Variants in EFCAB6 observed in about 807,000 individuals in gnomAD.
EFCAB6 encodes the protein EF-hand calcium-binding domain-containing protein 6.
A neutral mutation model predicts 169.8 loss-of-function variants in EFCAB6; 156 were observed. That is an observed-to-expected ratio of 0.92 (90% CI 0.81 to 1.05). The LOEUF (loss-of-function observed/expected upper bound fraction) is 1.05. Among genes scored for constraint, EFCAB6 ranks in the 50% least tolerant of loss-of-function variants. The pLI is 0.00. For missense variants in EFCAB6, 1,800 were observed against 1,829.1 expected, an observed-to-expected ratio of 0.98 and a Z score of 0.29; for synonymous variants, 698 against 676.4, an observed-to-expected ratio of 1.03 and a Z score of -0.50.
intron 20 of EFCAB6, among the ~76,000 whole-genome samples, chr22:43,619,058 T>C (rs2187766): frequency 0.23 from 34,922 of 151,722 alleles, 5,242 homozygotes; most frequent in East Asian, 0.62. Flanking sequence ...GTGGGGGAGA[T>C]CATAGAGAAG....
intron 27 of EFCAB6, among the ~76,000 whole-genome samples, chr22:43,550,353 GTC>G (rs1413094771): frequency 6.6e-6 from 1 of 152,148 alleles, no homozygotes; most frequent in African/African-American, 2.4e-5. Flanking sequence ...TCCTAGGGGT[GTC>G]TGTTTTAGAA....
intron 17 of EFCAB6, among the ~76,000 whole-genome samples, chr22:43,664,875 C>T (rs914395316): frequency 3.3e-5 from 5 of 151,968 alleles, no homozygotes; most frequent in African/African-American, 4.8e-5. Context: ...GCTGGGTTGA[C>T]GATGAACTGT....
chr22:43,583,619 C>T (rs1057154612), intron 24 of EFCAB6, among the ~76,000 whole-genome samples: 2 of 151,608 alleles, frequency 1.3e-5, no homozygotes, highest in African/African-American at 4.9e-5. Context: ...AGCAGCGAGG[C>T]CTTTGGGAGG....
At chr22:43,588,721 C>T (rs777944161) in intron 24 of EFCAB6, among the ~76,000 whole-genome samples, 49 of 151,838 alleles carry the variant, frequency 3.2e-4, no homozygotes, top group Non-Finnish European at 6.8e-4. Flanking sequence ...ATGAAGCTGA[C>T]AGATTAGCTG....
At chr22:43,774,517 G>T (rs9614182) in intron 3 of EFCAB6, among the ~76,000 whole-genome samples, 60,714 of 151,060 alleles carry the variant, frequency 0.4, 13,520 homozygotes, top group African/African-American at 0.58. Context: ...CGCACGCAGG[G>T]CCTGTGCCGG....
intron 10 of EFCAB6, among the ~76,000 whole-genome samples, chr22:43,694,996 T>C (rs1188016859): frequency 6.6e-6 from 1 of 151,958 alleles, no homozygotes; most frequent in Non-Finnish European, 1.5e-5. Context: ...GATAGTAAAA[T>C]TGTCATAGCC....
intron 30 of EFCAB6, among the ~76,000 whole-genome samples, chr22:43,531,346 G>C (rs141850330): frequency 1.9e-3 from 284 of 152,250 alleles, no homozygotes; most frequent in African/African-American, 6.7e-3. Flanking sequence ...AATGCAACGA[G>C]ATGGCCGGGC....
intron 24 of EFCAB6, among the ~76,000 whole-genome samples, chr22:43,589,521 C>G (rs985653121): frequency 6.6e-6 from 1 of 152,148 alleles, no homozygotes; most frequent in Non-Finnish European, 1.5e-5. Flanking sequence ...GGCGCAGTGG[C>G]TCACGCCTAT....
intron 3 of EFCAB6, among the ~76,000 whole-genome samples, chr22:43,780,026 T>C (rs750558185): frequency 6.6e-6 from 1 of 152,194 alleles, no homozygotes; most frequent in Non-Finnish European, 1.5e-5. Flanking sequence ...GAAATGCATA[T>C]TAAATTCACA....
chr22:43,586,756 C>T (rs796080066), intron 24 of EFCAB6, among the ~76,000 whole-genome samples: 6 of 152,196 alleles, frequency 3.9e-5, no homozygotes, highest in African/African-American at 1.4e-4. Context: ...AAAAGTCCAG[C>T]AGCGTCAGCA....
intron 7 of EFCAB6, among the ~76,000 whole-genome samples, chr22:43,732,170 A>T (rs1873443748): frequency 6.6e-6 from 1 of 152,212 alleles, no homozygotes; most frequent in Non-Finnish European, 1.5e-5. Context: ...CCACTCCGAC[A>T]GCAGAAGCAG....
At chr22:43,713,498 C>T (rs976133531) in intron 9 of EFCAB6, among the ~76,000 whole-genome samples, 7 of 152,110 alleles carry the variant, frequency 4.6e-5, no homozygotes, top group South Asian at 2.1e-4. Flanking sequence ...GTTGGGGGCA[C>T]GTGGAACAGC....
At chr22:43,586,366 T>TTTTTTTTTTG in intron 24 of EFCAB6, among the ~76,000 whole-genome samples, 1 of 125,444 alleles carries the variant, frequency 8.0e-6, no homozygotes, top group African/African-American at 3.1e-5. Context: ...TTTTTTTTTT[T>TTTTTTTTTTG]GTGACGTGGT....
chr22:43,530,685 G>A, intron 31 of EFCAB6, 130 bp downstream of exon 31: 1 of 1,511,052 alleles, frequency 6.6e-7, no homozygotes, highest in Non-Finnish European at 8.8e-7. Context: ...TCCCAGGGAA[G>A]TGAGATCTGA....
chr22:43,799,231 G>A (rs949540657), intron 2 of EFCAB6, among the ~76,000 whole-genome samples: 2 of 151,976 alleles, frequency 1.3e-5, no homozygotes, highest in Admixed American at 1.3e-4. Context: ...TCAGGAGGCT[G>A]AGATGGGAGG....
intron 2 of EFCAB6, among the ~76,000 whole-genome samples, chr22:43,784,541 G>GTATATATA (rs1357869252): frequency 3.8e-5 from 3 of 79,722 alleles, no homozygotes; most frequent in East Asian, 6.2e-4. Flanking sequence ...GTGTGTGTGT[G>GTATATATA]TGTATATGTA....
chr22:43,758,826 T>G (rs1238667582), intron 5 of EFCAB6, among the ~76,000 whole-genome samples: 2 of 152,238 alleles, frequency 1.3e-5, no homozygotes, highest in Non-Finnish European at 2.9e-5. Flanking sequence ...GTTTTCTTAC[T>G]TTTTATGTCT....
At chr22:43,637,050 G>A (rs2055458229) in intron 17 of EFCAB6, among the ~76,000 whole-genome samples, 1 of 152,212 alleles carries the variant, frequency 6.6e-6, no homozygotes, top group South Asian at 2.1e-4. Context: ...GAGCCCTGGT[G>A]TCTTCCCTGT....
chr22:43,569,104 A>C (rs1157055243), intron 26 of EFCAB6, among the ~76,000 whole-genome samples: 2 of 152,134 alleles, frequency 1.3e-5, no homozygotes, highest in Non-Finnish European at 2.9e-5. Context: ...TACCCTGTCC[A>C]TGCTACTGGG....
Sources: gnomAD v4.1 joint callset for allele counts (sites outside exome capture counted in the v4.1 genomes callset) on GRCh38, gnomAD v4.1.1 for gene constraint, MANE v1.5 for transcripts, NCBI Gene and HGNC (gene_info 2026-07-23, HGNC 2026-07-21) for gene names.